The following ZNF292 variants were observed in gnomAD, a reference collection of about 807,000 sequenced individuals.
ZNF292 encodes zinc finger protein 292, also known as 16 zinc-finger domain protein.
In ZNF292, 26 loss-of-function variants were observed where a neutral mutation model predicts 217.9. That is an observed-to-expected ratio of 0.12 (90% CI 0.09 to 0.17). The LOEUF (loss-of-function observed/expected upper bound fraction) is 0.17. ZNF292 is among the 10% of genes least tolerant of loss of function. The probability of loss-of-function intolerance (pLI) is 1.00; values close to 1 mark genes in which losing one functional copy is unlikely to be tolerated. For synonymous variants in ZNF292, 1,257 were observed against 1,124.1 expected (o/e 1.12, Z -2.37); for missense variants, 2,904 against 3,175.2 (o/e 0.91, Z 2.05).
Position 87,261,860 on chromosome 6 carries a change from G to T in ZNF292, c.*59G>T. ...TTTATTTTAAATAGGAAGCCATCAAGCATGCTAGAATTGTGAAACTTTCAT... is the reference window on the plus strand; with the variant it reads ...TTTATTTTAAATAGGAAGCCATCAATCATGCTAGAATTGTGAAACTTTCAT... On this transcript the variant is annotated 3_prime_UTR_variant, in exon 8 of 8. Coordinates refer to ENST00000369577, the MANE Select transcript of ZNF292 (RefSeq NM_015021.3). 1 of 1,207,426 alleles carries T rather than the reference G, an allele frequency of 8.3e-7. No homozygotes were observed. The allele number at this position is 1,207,426 out of a possible 1,614,324, so 74.8% of individuals were successfully genotyped here. A position where few individuals can be genotyped will look rare whatever the true frequency, so the allele number is the denominator to read the frequency against.
In ZNF292 at chr6:87,256,568, A is replaced by T; in HGVS notation, c.2939A>T (p.Asp980Val). The T allele has an allele frequency of 6.2e-7, 1 of 1,613,640 alleles. No homozygotes were observed. Among genetic ancestry groups the T allele is most frequent in the Non-Finnish European group, 8.5e-7 (1 of 1,179,828 alleles). ...ACGCCAGTTGAAGATACTTGTAATG[A>T]TTTGTGTCATCCAGGTTTCCAGGAG... Reference protein sequence around the residue: ...LHTPVEDTCNDLCHPGFQERK... With the variant: ...LHTPVEDTCNVLCHPGFQERK... The change falls in exon 8 of 8, where the codon GAT becomes GTT. Residue 980 changes from aspartate (D) to valine (V), a missense_variant. Coordinates refer to ENST00000369577, the MANE Select transcript of ZNF292 (RefSeq NM_015021.3).
chr6:87,191,736 G>A (rs1212905850), intron 1 of ZNF292, among the ~76,000 whole-genome samples: 1 of 152,110 alleles, frequency 6.6e-6, no homozygotes, highest in African/African-American at 2.4e-5. Flanking sequence ...GTGCAAGCTC[G>A]ACTCACTGCA....
At chr6:87,238,328 A>G (rs1774001337) in intron 5 of ZNF292, among the ~76,000 whole-genome samples, 1 of 152,058 alleles carries the variant, frequency 6.6e-6, no homozygotes, top group Non-Finnish European at 1.5e-5. Flanking sequence ...CTCTACGAAA[A>G]TATAAAAATT....
chr6:87,248,293 G>A (rs1372249506), intron 7 of ZNF292, among the ~76,000 whole-genome samples: 1 of 152,098 alleles, frequency 6.6e-6, no homozygotes, highest in African/African-American at 2.4e-5. Context: ...TCTGTCATTG[G>A]TCAGTAAGTC....
In ZNF292 at chr6:87,255,737, A is replaced by G. The variant is rs1273938810; in HGVS notation, c.2108A>G (p.Lys703Arg). The G allele has an allele frequency of 1.1e-5, 18 of 1,613,586 alleles. No individual in the cohort carries two copies. The highest frequency in any genetic ancestry group is 1.5e-5 in the Non-Finnish European group (18 of 1,179,780). The change falls in exon 8 of 8, where the codon AAG (lysine) becomes AGG (arginine). Residue 703 changes from lysine (K) to arginine (R), a missense_variant. This residue lies in a region of ZNF292 where 216 missense variants were observed against 308.3 expected (regional missense o/e 0.70). Transcript: ENST00000369577. ...TTTAAAAATTTAATTGCTCATGTGA[A>G]GGGGCATAAAGATAATGAAGACGCC... ...KYFKNLIAHV[K>R]GHKDNEDAKR... is the part of the protein sequence containing the mutation.
intron 1 of ZNF292, among the ~76,000 whole-genome samples, chr6:87,202,395 TATATC>T (rs1035957108): frequency 1.3e-5 from 2 of 152,216 alleles, no homozygotes; most frequent in African/African-American, 2.4e-5. Flanking sequence ...GTATGGATCT[TATATC>T]TAACTACTAT....
chr6:87,177,323 C>A (rs1161525483), intron 1 of ZNF292, among the ~76,000 whole-genome samples: 4 of 140,596 alleles, frequency 2.8e-5, no homozygotes, highest in African/African-American at 1.1e-4. Context: ...GAAACTCCAT[C>A]TCAAAAAAAA....
intron 1 of ZNF292, among the ~76,000 whole-genome samples, chr6:87,196,064 T>G (rs750605282): frequency 2.0e-5 from 3 of 151,670 alleles, no homozygotes; most frequent in Non-Finnish European, 4.4e-5. Context: ...AAATTGAGAA[T>G]TAGGATGTTT....
At chr6:87,200,686 C>T (rs574583413) in intron 1 of ZNF292, among the ~76,000 whole-genome samples, 9 of 152,216 alleles carry the variant, frequency 5.9e-5, no homozygotes, top group Middle Eastern at 3.4e-3. Context: ...ATGATTGGTT[C>T]GTGCCATCAG....
intron 7 of ZNF292, 47 bp downstream of exon 7, chr6:87,245,691 A>G (rs766125252): frequency 2.5e-6 from 3 of 1,222,832 alleles, no homozygotes; most frequent in South Asian, 3.5e-5. Context: ...GTACATTATC[A>G]TTAATAAAAG....
In ZNF292 at chr6:87,189,542, ACTTTT is replaced by A. The variant is rs1185554744; in HGVS notation, c.169-26355_169-26351del. Among the ~76,000 whole-genome samples, 7 of 151,924 alleles carry A rather than the reference ACTTTT, an allele frequency of 4.6e-5. No homozygotes were observed. In the Middle Eastern group the frequency reaches 0.01, roughly 221 times the overall value. The stretch of plus-strand genomic sequence containing the variant: ...TCCTCTGAGCATGATTATTTTCCAA[ACTTTT>A]CTTTTAGGAGTAATGGCCATGTAAT... On this transcript the variant is annotated intron_variant, in intron 1 of 7. Transcript: ENST00000369577.
chr6:87,187,506 G>A (rs1238043177), intron 1 of ZNF292, among the ~76,000 whole-genome samples: 3 of 151,932 alleles, frequency 2.0e-5, no homozygotes, highest in Non-Finnish European at 4.4e-5. Flanking sequence ...ATCACCTGAG[G>A]TCAGGAGTTT....
chr6:87,175,771 G>A (rs1771268290), intron 1 of ZNF292, among the ~76,000 whole-genome samples: 1 of 152,194 alleles, frequency 6.6e-6, no homozygotes. Context: ...CAGCATTTAA[G>A]AAATCATAAA....
At position 87,155,565 on chromosome 6, in the gene ZNF292, G is replaced by A. The variant is rs748490638; in HGVS notation, c.-27G>A. 3.2e-6 allele frequency: 5 copies of A among 1,564,328 alleles called. No homozygotes were observed. In the South Asian group the frequency reaches 3.5e-5, roughly 11 times the overall value. ...CATTGTGTTATCACGTGACCCAGGT[G>A]CGTACGCGACGGAGCGGGGTGTGAA... On this transcript the variant is annotated 5_prime_UTR_variant, in exon 1 of 8. Transcript: ENST00000369577.
chr6:87,175,179 T>G (rs1338097262), intron 1 of ZNF292, among the ~76,000 whole-genome samples: 1 of 152,206 alleles, frequency 6.6e-6, no homozygotes, highest in African/African-American at 2.4e-5. Context: ...TTCCTCTGAC[T>G]TCTTCTCTCC....
intron 5 of ZNF292, among the ~76,000 whole-genome samples, chr6:87,240,254 A>C (rs1774204834): frequency 6.6e-6 from 1 of 152,058 alleles, no homozygotes; most frequent in Admixed American, 6.5e-5. Flanking sequence ...CAGCAGGCTG[A>C]GGCAGGAGAA....
chr6:87,204,458 G>A (rs1406547902), intron 1 of ZNF292, among the ~76,000 whole-genome samples: 1 of 145,848 alleles, frequency 6.9e-6, no homozygotes, highest in Non-Finnish European at 1.5e-5. Flanking sequence ...AAATGTCTTT[G>A]TACTGTATCG....
rs373167723 is a variant in ZNF292, at chr6:87,258,368, T to C, written c.4739T>C (p.Val1580Ala). Residue 1580 changes from valine (V) to alanine (A), a missense_variant, in exon 8 of 8, where the codon GTT becomes GCT. By Grantham distance (64) the Val-to-Ala change is moderately conservative. Transcript: ENST00000369577. The part of the protein sequence containing the change: ...FPTNDLLLKT[V>A]ENGLCSSSFP... ...ACGAATGACTTACTACTGAAGACTG[T>C]TGAAAATGGTTTGTGCTCTAGTTCA... 1 of 1,613,596 alleles carries C rather than the reference T, an allele frequency of 6.2e-7. No homozygotes were observed.
chr6:87,244,881 C>T (rs1774491631), intron 6 of ZNF292, among the ~76,000 whole-genome samples: 1 of 151,956 alleles, frequency 6.6e-6, no homozygotes, highest in South Asian at 2.1e-4. Flanking sequence ...ACACACATAT[C>T]TTGAGCTTTC....
Sources: gnomAD v4.1 joint callset for allele counts (sites outside exome capture counted in the v4.1 genomes callset) on GRCh38, gnomAD v4.1.1 for gene constraint, gnomAD v4.1.1 regional missense constraint, MANE v1.5 for transcripts, NCBI Gene and HGNC (gene_info 2026-07-23, HGNC 2026-07-21) for gene names.